SPAG16: variants seen among roughly 807,000 people sequenced by gnomAD.
The protein encoded by SPAG16 is sperm-associated antigen 16 protein.
SPAG16 carries 86 observed loss-of-function variants against 80.4 expected under a neutral mutation model. The ratio of observed to expected loss-of-function variants is 1.07; its 90% CI spans 0.90 to 1.28. The LOEUF is 1.28. Ranked by LOEUF, SPAG16 falls within the 50% of genes most tolerant of loss-of-function variation. The pLI is 0.00. For missense variants in SPAG16, 870 were observed against 765.3 expected, an observed-to-expected ratio of 1.14 and a Z score of -1.61; for synonymous variants, 294 against 265.9, an observed-to-expected ratio of 1.11 and a Z score of -1.03.
Position 213,580,897 on chromosome 2 carries a change from G to T in SPAG16, c.1070+90807G>T, listed in dbSNP as rs1274772814. On this transcript the variant is annotated intron_variant, in intron 10 of 15. Transcript: ENST00000331683. ...GTATCTCCCAGCCTATCATTGTTTT[G>T]TGTGTGTGTGTGTTTTTTTACTATT... Among the ~76,000 whole-genome samples, 5 of 151,616 alleles carry T rather than the reference G, an allele frequency of 3.3e-5. No homozygotes were observed. The East Asian group carries it at 7.7e-4, about 23-fold the overall frequency.
At chr2:213,725,142 C>A (rs1033863998) in intron 10 of SPAG16, among the ~76,000 whole-genome samples, 2 of 151,976 alleles carry the variant, frequency 1.3e-5, no homozygotes, top group Non-Finnish European at 2.9e-5. Context: ...AGGTGATACT[C>A]CCACCTCAGC....
intron 15 of SPAG16, among the ~76,000 whole-genome samples, chr2:214,246,491 G>T (rs1689857551): frequency 6.6e-6 from 1 of 152,072 alleles, no homozygotes; most frequent in African/African-American, 2.4e-5. Flanking sequence ...AGTAATCAAG[G>T]CTTTGTATAT....
chr2:213,631,577 T>C (rs968610851), intron 10 of SPAG16, among the ~76,000 whole-genome samples: 5 of 152,180 alleles, frequency 3.3e-5, no homozygotes, highest in Admixed American at 1.3e-4. Flanking sequence ...TCTCATGAGA[T>C]CTAGTTTTTT....
intron 10 of SPAG16, among the ~76,000 whole-genome samples, chr2:213,841,888 G>A (rs896743211): frequency 6.6e-6 from 1 of 151,734 alleles, no homozygotes; most frequent in Non-Finnish European, 1.5e-5. Context: ...ACATTCTTTA[G>A]GATCTACATT....
chr2:213,466,114 C>T (rs558276589), intron 9 of SPAG16, among the ~76,000 whole-genome samples: 2 of 152,286 alleles, frequency 1.3e-5, no homozygotes, highest in Admixed American at 6.5e-5. Flanking sequence ...GAACATTGGA[C>T]TCCAAGTTCT....
At chr2:213,867,926 C>CAAAAAAAA (rs35795865) in intron 11 of SPAG16, among the ~76,000 whole-genome samples, 2 of 45,882 alleles carry the variant, frequency 4.4e-5, no homozygotes, top group African/African-American at 1.4e-4. Context: ...TCTGTCTCAA[C>CAAAAAAAA]AAAAAAAAAA....
chr2:214,058,706 A>G (rs2050071455), intron 13 of SPAG16, among the ~76,000 whole-genome samples: 1 of 152,202 alleles, frequency 6.6e-6, no homozygotes, highest in Admixed American at 6.5e-5. Flanking sequence ...AAAATGAGAT[A>G]TGCATGTATC....
At chr2:213,321,791 T>C (rs2063619683) in intron 5 of SPAG16, among the ~76,000 whole-genome samples, 1 of 152,144 alleles carries the variant, frequency 6.6e-6, no homozygotes, top group African/African-American at 2.4e-5. Context: ...TATAGATGTT[T>C]TTATGGAGAA....
At chr2:213,886,285 G>T (rs1374323289) in intron 11 of SPAG16, among the ~76,000 whole-genome samples, 4 of 152,104 alleles carry the variant, frequency 2.6e-5, no homozygotes, top group Non-Finnish European at 5.9e-5. Flanking sequence ...TTTGAGAAAA[G>T]ACGTTCTGGT....
At chr2:214,179,524 TTTCTC>T (rs1475181227) in intron 15 of SPAG16, among the ~76,000 whole-genome samples, 1 of 151,398 alleles carries the variant, frequency 6.6e-6, no homozygotes, top group Non-Finnish European at 1.5e-5. Context: ...CAAAAACACT[TTTCTC>T]TACAAAATGG....
chr2:213,728,856 G>A (rs946944406), intron 10 of SPAG16, among the ~76,000 whole-genome samples: 41 of 111,346 alleles, frequency 3.7e-4, no homozygotes, highest in African/African-American at 1.1e-3. Flanking sequence ...CAGCCTGGGC[G>A]ACAGAGTGAG....
At chr2:213,962,922 G>GT (rs1035710865) in intron 12 of SPAG16, among the ~76,000 whole-genome samples, 74 of 151,446 alleles carry the variant, frequency 4.9e-4, no homozygotes, top group Admixed American at 7.9e-4. Context: ...AGTCTTCTCT[G>GT]TTTTTTTTCC....
At chr2:213,680,689 A>G (rs981815007) in intron 10 of SPAG16, among the ~76,000 whole-genome samples, 1 of 152,174 alleles carries the variant, frequency 6.6e-6, no homozygotes, top group Non-Finnish European at 1.5e-5. Flanking sequence ...ATATTTTAAG[A>G]GATTTATTCT....
At chr2:213,312,608 T>G (rs765392749) in intron 4 of SPAG16, among the ~76,000 whole-genome samples, 2 of 151,780 alleles carry the variant, frequency 1.3e-5, no homozygotes, top group Non-Finnish European at 3.0e-5. Context: ...TACTTCGTAT[T>G]CAACACTTAG....
At chr2:213,631,193 A>AC (rs1002752097) in intron 10 of SPAG16, among the ~76,000 whole-genome samples, 13 of 151,652 alleles carry the variant, frequency 8.6e-5, no homozygotes, top group South Asian at 2.1e-4. Flanking sequence ...AAAGAGAAGT[A>AC]CCCCCCCAAA....
chr2:213,396,703 CT>C (rs1361278786), intron 9 of SPAG16: 10 of 452,068 alleles, frequency 2.2e-5, no homozygotes, highest in African/African-American at 1.6e-4. Context: ...GACTGCCCAT[CT>C]TCAGGACATT....
At chr2:214,390,341 T>TTAAA (rs1300923316) in intron 15 of SPAG16, among the ~76,000 whole-genome samples, 1 of 125,472 alleles carries the variant, frequency 8.0e-6, no homozygotes. Flanking sequence ...CTTTTTTTTT[T>TTAAA]AAAAAAAAAA....
At chr2:213,766,439 A>G (rs1292329791) in intron 10 of SPAG16, among the ~76,000 whole-genome samples, 1 of 152,254 alleles carries the variant, frequency 6.6e-6, no homozygotes, top group East Asian at 1.9e-4. Flanking sequence ...AGCTCTATGC[A>G]GTGATCTCTG....
chr2:214,219,602 TGA>T (rs2058513196), intron 15 of SPAG16, among the ~76,000 whole-genome samples: 2 of 152,170 alleles, frequency 1.3e-5, no homozygotes, highest in Admixed American at 1.3e-4. Context: ...GATAATTTAT[TGA>T]GTACCTGCTC....
Sources: allele counts gnomAD v4.1 joint callset (sites outside exome capture counted in the v4.1 genomes callset), GRCh38; gene constraint gnomAD v4.1.1; transcripts MANE v1.5; gene names NCBI Gene and HGNC (gene_info 2026-07-23, HGNC 2026-07-21).